Variants in PCDH15 observed in about 807,000 individuals in gnomAD.
PCDH15 encodes protocadherin-15.
In PCDH15, 129 loss-of-function variants were observed where a neutral mutation model predicts 178.5. That is an observed-to-expected ratio of 0.72 (90% CI 0.63 to 0.84). The LOEUF (loss-of-function observed/expected upper bound fraction) is 0.84, where lower values mean the gene tolerates loss of function less well. Among genes scored for constraint, PCDH15 ranks in the 40% least tolerant of loss-of-function variants. The pLI is 0.00. For missense variants in PCDH15, 2,230 were observed against 2,099.9 expected, an observed-to-expected ratio of 1.06 and a Z score of -1.21; for synonymous variants, 800 against 732.0, an observed-to-expected ratio of 1.09 and a Z score of -1.50.
intron 3 of PCDH15, among the ~76,000 whole-genome samples, chr10:54,472,287 CA>C (rs201074584): frequency 0.17 from 19,929 of 120,152 alleles, 1,516 homozygotes; most frequent in Admixed American, 0.33. Flanking sequence ...AAATGTTATG[CA>C]AAAAAAAAAA....
At chr10:55,044,500 C>T (rs1374615407) in intron 2 of PCDH15, among the ~76,000 whole-genome samples, 2 of 152,084 alleles carry the variant, frequency 1.3e-5, no homozygotes, top group Admixed American at 6.6e-5. Context: ...AAACCTACTA[C>T]CTCCATATTA....
At chr10:54,779,989 T>C (rs1171699697) in intron 1 of PCDH15, among the ~76,000 whole-genome samples, 1 of 152,164 alleles carries the variant, frequency 6.6e-6, no homozygotes, top group East Asian at 1.9e-4. Flanking sequence ...ATATAAGAAA[T>C]ATTTGCACTT....
At chr10:54,642,110 A>T (rs1402844009) in intron 2 of PCDH15, among the ~76,000 whole-genome samples, 1 of 151,978 alleles carries the variant, frequency 6.6e-6, no homozygotes, top group Non-Finnish European at 1.5e-5. Flanking sequence ...GGAGATAATT[A>T]GGTCATGAGA....
chr10:55,023,018 T>TG (rs1469330753), intron 2 of PCDH15, among the ~76,000 whole-genome samples: 2 of 152,136 alleles, frequency 1.3e-5, no homozygotes, highest in African/African-American at 4.8e-5. Flanking sequence ...CGCCGCTCAC[T>TG]GCAAGCTCCG....
chr10:54,733,207 T>C (rs1943641074), intron 1 of PCDH15, among the ~76,000 whole-genome samples: 2 of 151,500 alleles, frequency 1.3e-5, no homozygotes, highest in Non-Finnish European at 3.0e-5. Flanking sequence ...AAAGAGAACA[T>C]GATTATCTAT....
chr10:55,582,618 A>AT (rs1182758362), intron 2 of PCDH15, among the ~76,000 whole-genome samples: 143 of 88,070 alleles, frequency 1.6e-3, no homozygotes, highest in African/African-American at 6.2e-3. Context: ...ATATATATAT[A>AT]TATATATATA....
intron 2 of PCDH15, among the ~76,000 whole-genome samples, chr10:55,584,379 C>G (rs578010298): frequency 1.3e-5 from 2 of 151,246 alleles, no homozygotes; most frequent in Admixed American, 6.6e-5. Flanking sequence ...ATCAATTAGG[C>G]CAGGCACGGT....
intron 2 of PCDH15, among the ~76,000 whole-genome samples, chr10:55,362,753 C>A (rs972382052): frequency 2.0e-5 from 3 of 152,004 alleles, no homozygotes; most frequent in Non-Finnish European, 4.4e-5. Context: ...CAAAAGAGTT[C>A]CTCGTGATGT....
chr10:55,052,565 A>T (rs1488142058), intron 2 of PCDH15, among the ~76,000 whole-genome samples: 4 of 140,292 alleles, frequency 2.9e-5, no homozygotes, highest in South Asian at 2.4e-4. Context: ...AAAAAAAAAA[A>T]GCTAGGCATG....
At chr10:54,579,301 A>T (rs954416107) in intron 2 of PCDH15, among the ~76,000 whole-genome samples, 2 of 152,144 alleles carry the variant, frequency 1.3e-5, no homozygotes, top group Non-Finnish European at 2.9e-5. Context: ...TTGGAGAAAG[A>T]TGTATCATGC....
chr10:54,607,907 T>C lies in PCDH15; in HGVS notation c.91+56265A>G, dbSNP rs966876049. 5.7e-6 allele frequency: 3 copies of C among 525,602 alleles called. No homozygotes were observed. The African/African-American group carries it at 5.9e-5, about 10-fold the overall frequency. The allele number at this position is 525,602 out of a possible 1,614,324, so 32.6% of individuals were successfully genotyped here. A position where few individuals can be genotyped will look rare whatever the true frequency, so the allele number is the denominator to read the frequency against. On this transcript the variant is annotated intron_variant, in intron 2 of 37. Coordinates refer to ENST00000644397, the MANE Select transcript of PCDH15 (RefSeq NM_001384140.1). ...TTGGTCCAAAAGTAATTACAGTTTT[T>C]GTCTTTGAAAGTAATGTCAAAAACT...
At chr10:55,210,761 T>C (rs1193027366) in intron 1 of PCDH15, among the ~76,000 whole-genome samples, 1 of 150,680 alleles carries the variant, frequency 6.6e-6, no homozygotes, top group Non-Finnish European at 1.5e-5. Flanking sequence ...CCCTAGTAGC[T>C]GGGACTACAG....
chr10:55,390,561 T>C (rs910559572), intron 2 of PCDH15, among the ~76,000 whole-genome samples: 4 of 152,186 alleles, frequency 2.6e-5, no homozygotes, highest in African/African-American at 9.6e-5. Flanking sequence ...CTATACTTGA[T>C]AGCATCTAGA....
In PCDH15 at chr10:53,868,188, A is replaced by G. The variant is rs185907057; in HGVS notation, c.3502-1331T>C. ...ATATACCTTATTCATGATACTAGAT[A>G]TGTAAGTTATACATTTTCATTTGTT... On this transcript the variant is annotated intron_variant, in intron 26 of 37. Coordinates refer to ENST00000644397, the MANE Select transcript of PCDH15 (RefSeq NM_001384140.1). Among the ~76,000 whole-genome samples, 929 of 152,152 alleles carry G rather than the reference A, an allele frequency of 6.1e-3. 7 individuals are homozygous for G. Among genetic ancestry groups the G allele is most frequent in the Non-Finnish European group, 9.5e-3 (646 of 67,928 alleles).
At chr10:55,338,034 C>T (rs1273152483) in intron 2 of PCDH15, among the ~76,000 whole-genome samples, 1 of 151,736 alleles carries the variant, frequency 6.6e-6, no homozygotes, top group Non-Finnish European at 1.5e-5. Context: ...ATACAAATAG[C>T]CAAAAACTAT....
chr10:55,421,962 C>A (rs921931050), intron 2 of PCDH15, among the ~76,000 whole-genome samples: 2 of 151,552 alleles, frequency 1.3e-5, no homozygotes, highest in Non-Finnish European at 3.0e-5. Flanking sequence ...TTTTATAATG[C>A]CTTTATCGAG....
intron 2 of PCDH15, among the ~76,000 whole-genome samples, chr10:55,509,228 G>A (rs1840826878): frequency 1.3e-5 from 2 of 151,736 alleles, no homozygotes; most frequent in South Asian, 2.1e-4. Context: ...GAAGATTTTA[G>A]GATATAGTAA....
At chr10:54,252,955 C>T (rs995584219) in intron 8 of PCDH15, among the ~76,000 whole-genome samples, 2 of 151,790 alleles carry the variant, frequency 1.3e-5, no homozygotes, top group African/African-American at 4.8e-5. Context: ...TACTTGGTGC[C>T]TGACACATTG....
chr10:54,932,249 T>C (rs1837797728), intron 2 of PCDH15, among the ~76,000 whole-genome samples: 1 of 152,186 alleles, frequency 6.6e-6, no homozygotes, highest in South Asian at 2.1e-4. Flanking sequence ...CCATGAAAAC[T>C]TTCTAGTGGG....
Sources: allele counts gnomAD v4.1 joint callset (sites outside exome capture counted in the v4.1 genomes callset), GRCh38; gene constraint gnomAD v4.1.1; transcripts MANE v1.5; gene names NCBI Gene and HGNC (gene_info 2026-07-23, HGNC 2026-07-21).